The following SEC23A variants were observed in gnomAD, a reference collection of about 807,000 sequenced individuals.
SEC23A encodes SEC23 homolog A, COPII component.
In SEC23A, 56 loss-of-function variants were observed where a neutral mutation model predicts 103.7. The ratio of observed to expected loss-of-function variants is 0.54; its 90% CI spans 0.44 to 0.67. SEC23A has a LOEUF of 0.67. Among genes scored for constraint, SEC23A ranks in the 30% least tolerant of loss-of-function variants. The pLI is 0.00. For synonymous variants in SEC23A, 281 were observed against 293.0 expected (o/e 0.96, Z 0.42); for missense variants, 784 against 936.4 (o/e 0.84, Z 2.12).
In SEC23A at chr14:39,082,571, T is replaced by C. The variant is rs188840568; in HGVS notation, c.828+3191A>G. On this transcript the variant is annotated intron_variant, in intron 7 of 19. Coordinates refer to ENST00000307712, the MANE Select transcript of SEC23A (RefSeq NM_006364.4). ...TAAGGAAAGTTAACATCAGCAGTAA[T>C]GAAATAAATCAACATGGGGGTTCCT... Among the ~76,000 whole-genome samples the C allele has an allele frequency of 1.3e-3, 194 of 152,272 alleles. 1 individual carries two copies. The highest frequency in any genetic ancestry group is 4.4e-3 in the African/African-American group (183 of 41,568).
At chr14:39,089,878 C>T (rs1887597656) in intron 5 of SEC23A, among the ~76,000 whole-genome samples, 1 of 152,238 alleles carries the variant, frequency 6.6e-6, no homozygotes, top group Admixed American at 6.5e-5. Flanking sequence ...ATAGCTTGAA[C>T]CCGGGAGGCG....
At position 39,042,793 on chromosome 14, in the gene SEC23A, T is replaced by A; in HGVS notation, c.1979A>T (p.His660Leu). 6.2e-7 allele frequency: 1 copy of A among 1,602,096 alleles called. No homozygotes were observed. The highest frequency in any genetic ancestry group is 8.6e-7 in the Non-Finnish European group (1 of 1,169,244). The change falls in exon 17 of 20, where the codon CAT (histidine) becomes CTT (leucine). Residue 660 changes from histidine to leucine, a missense_variant. His to Leu is a moderately conservative substitution (Grantham distance 99). Transcript: ENST00000307712. Reference protein sequence around the residue: ...MDTFFQILIYHGETIAQWRKS... With the variant: ...MDTFFQILIYLGETIAQWRKS... ...ATGCTATTGAAATCTTACCTCACCA[T>A]GATAAATCAAAATCTGGAAGAATGT...
In SEC23A at chr14:39,040,982, A is replaced by C. The variant is rs1031326583; in HGVS notation, c.1987-95T>G. 4.2e-6 allele frequency: 6 copies of C among 1,416,556 alleles called. No individual in the cohort carries two copies. In the African/African-American group the frequency reaches 8.7e-5, roughly 20 times the overall value. 87.7% of individuals were successfully genotyped at this position (1,416,556 alleles called of 1,614,324 possible). Reference sequence around the variant, plus strand: ...AAGAAAATAATCTTTAGAAACTAAAAAAATTATAGACCATTATTCCATTTA... The same window carrying C: ...AAGAAAATAATCTTTAGAAACTAAACAAATTATAGACCATTATTCCATTTA... On this transcript the variant is annotated intron_variant, in intron 17 of 19. Transcript: ENST00000307712.
chr14:39,049,671 G>C (rs957592157), intron 14 of SEC23A, among the ~76,000 whole-genome samples: 11 of 151,854 alleles, frequency 7.2e-5, no homozygotes, highest in Non-Finnish European at 1.3e-4. Context: ...CCAGCTACTC[G>C]AGAGGCTATG....
At chr14:39,100,142 A>G (rs1888032991) in intron 1 of SEC23A, among the ~76,000 whole-genome samples, 1 of 151,954 alleles carries the variant, frequency 6.6e-6, no homozygotes, top group Non-Finnish European at 1.5e-5. Context: ...TTTCCTCTCA[A>G]TCTCCCTGCT....
chr14:39,045,355 C>T, intron 15 of SEC23A, 31 bp from the exon 16 acceptor site: 1 of 1,556,132 alleles, frequency 6.4e-7, no homozygotes, highest in Non-Finnish European at 8.8e-7. Flanking sequence ...ATAGTTGTTA[C>T]TGATTTTAAT....
intron 2 of SEC23A, chr14:39,094,795 A>G: frequency 2.0e-6 from 1 of 507,994 alleles, no homozygotes. Context: ...CAAGAATCAG[A>G]AAGAGGGTAA....
intron 12 of SEC23A, among the ~76,000 whole-genome samples, chr14:39,062,119 T>A (rs187237156): frequency 6.6e-6 from 1 of 152,124 alleles, no homozygotes; most frequent in Admixed American, 6.5e-5. Flanking sequence ...AAGTAATATA[T>A]AAGCCAGAGG....
At chr14:39,074,903 C>A (rs915466879) in intron 8 of SEC23A, among the ~76,000 whole-genome samples, 1 of 151,848 alleles carries the variant, frequency 6.6e-6, no homozygotes, top group African/African-American at 2.4e-5. Flanking sequence ...GTCAGGAGAT[C>A]GAGACCATCC....
At chr14:39,101,064 G>A (rs1353518316) in intron 1 of SEC23A, among the ~76,000 whole-genome samples, 3 of 151,762 alleles carry the variant, frequency 2.0e-5, no homozygotes, top group South Asian at 4.2e-4. Context: ...GGCTGGTCTC[G>A]AACTCCTGAC....
intron 13 of SEC23A, among the ~76,000 whole-genome samples, chr14:39,061,046 A>C (rs1886454483): frequency 6.6e-6 from 1 of 152,228 alleles, no homozygotes; most frequent in South Asian, 2.1e-4. Flanking sequence ...TTAGAAACTG[A>C]GCAACTTCAC....
chr14:39,095,898 C>G lies in SEC23A; in HGVS notation c.221G>C (p.Cys74Ser), dbSNP rs751720483. The G allele has an allele frequency of 3.9e-5, 62 of 1,600,944 alleles. No homozygotes were observed. Among genetic ancestry groups the G allele is most frequent in the Non-Finnish European group, 5.3e-5 (62 of 1,168,158 alleles). ...TTCRAVLNPL[C>S]QVDYRAKLWA... Reference sequence around the variant, plus strand: ...TAGTTTTTCTATATATTTTACTTACCATAAAGGATTCAAAACTGCACGGCA... The same window carrying G: ...TAGTTTTTCTATATATTTTACTTACGATAAAGGATTCAAAACTGCACGGCA... The change falls in exon 2 of 20, where the codon TGT (cysteine) becomes TCT (serine). Residue 74 changes from cysteine (C) to serine (S), a missense_variant and splice_region_variant. Cys to Ser is a moderately radical substitution (Grantham distance 112, BLOSUM62 -1). Coordinates refer to ENST00000307712, the MANE Select transcript of SEC23A (RefSeq NM_006364.4).
At chr14:39,051,242 G>C (rs1886048270) in intron 14 of SEC23A, among the ~76,000 whole-genome samples, 1 of 152,138 alleles carries the variant, frequency 6.6e-6, no homozygotes, top group Admixed American at 6.5e-5. Flanking sequence ...TTTGGAGACA[G>C]TGTGCATTAC....
At chr14:39,038,612 TG>T (rs1055326562) in intron 19 of SEC23A, among the ~76,000 whole-genome samples, 4 of 152,180 alleles carry the variant, frequency 2.6e-5, no homozygotes, top group African/African-American at 9.7e-5. Context: ...CTTGAGCAGC[TG>T]GGATTACAGG....
At position 39,048,672 on chromosome 14, in the gene SEC23A, T is replaced by C. The variant is rs901658180; in HGVS notation, c.1717A>G (p.Thr573Ala). ...CTTACCTGTGGATAAAGGGAGAAAG[T>C]TTCTGAAAATCTGAAGGAACTTGGG... ...DDPSSFRFSE[T>A]FSLYPQFMFH... is the part of the protein sequence containing the mutation. The change falls in exon 15 of 20, where the codon ACT (threonine) becomes GCT (alanine). Residue 573 changes from threonine to alanine, a missense_variant. Transcript: ENST00000307712. 5.6e-6 allele frequency: 9 copies of C among 1,596,276 alleles called. No homozygotes were observed. The highest frequency in any genetic ancestry group is 1.3e-5 in the African/African-American group (1 of 74,664).
chr14:39,054,090 C>T lies in SEC23A; in HGVS notation c.1659+1053G>A, dbSNP rs949961563. 4.6e-5 allele frequency among the ~76,000 whole-genome samples: 7 copies of T among 151,988 alleles called. No homozygotes were observed. The East Asian group carries it at 1.4e-3, about 29-fold the overall frequency. On this transcript the variant is annotated intron_variant, in intron 14 of 19. Transcript: ENST00000307712. ...AGGAGTTCCAGACCACCTTGGGCAACATAAGCAGACTCCATCTCTACAAAA... is the reference window on the plus strand; with the variant it reads ...AGGAGTTCCAGACCACCTTGGGCAATATAAGCAGACTCCATCTCTACAAAA...
At chr14:39,035,592 A>T (rs1442937978) in intron 19 of SEC23A, among the ~76,000 whole-genome samples, 1 of 152,158 alleles carries the variant, frequency 6.6e-6, no homozygotes, top group African/African-American at 2.4e-5. Context: ...TACTTTTTAT[A>T]ACCTCCCCAA....
intron 11 of SEC23A, chr14:39,064,667 T>C (rs1053203429): frequency 2.3e-5 from 11 of 487,774 alleles, no homozygotes; most frequent in African/African-American, 1.9e-4. Context: ...ATAAGAATTT[T>C]GAAAGGAATG....
chr14:39,058,251 G>A (rs1035047445), intron 13 of SEC23A, among the ~76,000 whole-genome samples: 2 of 151,972 alleles, frequency 1.3e-5, no homozygotes, highest in African/African-American at 4.8e-5. Flanking sequence ...AATTCAGGCA[G>A]CAGCATGTTT....
Sources: gnomAD v4.1 joint callset for allele counts (sites outside exome capture counted in the v4.1 genomes callset) on GRCh38, gnomAD v4.1.1 for gene constraint, MANE v1.5 for transcripts, NCBI Gene and HGNC (gene_info 2026-07-23, HGNC 2026-07-21) for gene names.